Variants in HELZ observed in about 807,000 individuals in gnomAD.
The protein encoded by HELZ is helicase with zinc finger.
HELZ carries 23 observed loss-of-function variants against 218.2 expected under a neutral mutation model. That is an observed-to-expected ratio of 0.11 (90% confidence interval 0.08 to 0.15). HELZ has a LOEUF of 0.15. HELZ is among the 10% of genes least tolerant of loss of function. HELZ has a pLI of 1.00. For synonymous variants in HELZ, 814 were observed against 829.4 expected (o/e 0.98, Z 0.32); for missense variants, 1,813 against 2,353.7 (o/e 0.77, Z 4.75).
chr17:67,199,166 T>C (rs994207976), intron 7 of HELZ, among the ~76,000 whole-genome samples: 5 of 151,556 alleles, frequency 3.3e-5, no homozygotes, highest in African/African-American at 1.2e-4. Flanking sequence ...CGGCTACATA[T>C]ACACTATTAG....
intron 7 of HELZ, among the ~76,000 whole-genome samples, chr17:67,198,697 T>A (rs1351011672): frequency 6.6e-6 from 1 of 152,236 alleles, no homozygotes; most frequent in Non-Finnish European, 1.5e-5. Flanking sequence ...TTTATTCTCA[T>A]CCATTAGCAT....
chr17:67,245,461 C>CTA (rs1204899589), upstream of HELZ: 6 of 985,590 alleles, frequency 6.1e-6, no homozygotes, highest in Non-Finnish European at 7.2e-6. Flanking sequence ...GCCCGGTCCT[C>CTA]TCGCCTCGCC....
At chr17:67,174,343 T>C (rs930348496) in intron 13 of HELZ, among the ~76,000 whole-genome samples, 4 of 152,192 alleles carry the variant, frequency 2.6e-5, no homozygotes, top group Non-Finnish European at 5.9e-5. Context: ...GATGGGATCT[T>C]GCTCTGTTGC....
chr17:67,194,775 G>GC (rs1178942397), intron 8 of HELZ, among the ~76,000 whole-genome samples: 4 of 152,074 alleles, frequency 2.6e-5, no homozygotes, highest in Non-Finnish European at 4.4e-5. Context: ...AAGTCACTAT[G>GC]CCCCCCAGAA....
At chr17:67,174,806 G>A (rs72838428) in intron 13 of HELZ, among the ~76,000 whole-genome samples, 6,485 of 151,820 alleles carry the variant, frequency 0.043, 186 homozygotes, top group Middle Eastern at 0.1. Context: ...TAAAAGAAAA[G>A]AAAAGAAAAA....
intron 3 of HELZ, among the ~76,000 whole-genome samples, chr17:67,235,906 A>G (rs993848760): frequency 2.6e-5 from 4 of 151,828 alleles, no homozygotes; most frequent in East Asian, 3.9e-4. Context: ...GACTACAGGC[A>G]CCTGCCACCA....
intron 27 of HELZ, among the ~76,000 whole-genome samples, chr17:67,119,569 T>G (rs1297920667): frequency 6.6e-6 from 1 of 152,192 alleles, no homozygotes; most frequent in Non-Finnish European, 1.5e-5. Flanking sequence ...CTGGATATTG[T>G]TAAAACTCAT....
At chr17:67,127,553 A>G (rs1464527491) in intron 24 of HELZ, among the ~76,000 whole-genome samples, 1 of 152,202 alleles carries the variant, frequency 6.6e-6, no homozygotes, top group African/African-American at 2.4e-5. Context: ...ACACATTAAG[A>G]TTTACATTTT....
chr17:67,218,348 A>G (rs2040659974), intron 4 of HELZ, among the ~76,000 whole-genome samples: 1 of 152,206 alleles, frequency 6.6e-6, no homozygotes, highest in South Asian at 2.1e-4. Flanking sequence ...AACCTAGAAC[A>G]GTGTCTAGTA....
chr17:67,070,787 T>C lies in HELZ; in HGVS notation c.*7465A>G, dbSNP rs565244494. 6.6e-6 allele frequency: 1 copy of C among 152,294 alleles called. No homozygotes were observed. Among genetic ancestry groups the C allele is most frequent in the South Asian group, 2.1e-4 (1 of 4,830 alleles). 9.4% of individuals were successfully genotyped at this position (152,294 alleles called of 1,614,324 possible). ...CATTTACTGCAAAGAAAAAAAATTG[T>C]TATAATTTTGCCATAAGTTATGCCT... On this transcript the variant is annotated 3_prime_UTR_variant, in exon 33 of 33. Transcript: ENST00000358691.
chr17:67,157,252 A>G (rs909334929), intron 17 of HELZ, among the ~76,000 whole-genome samples: 10 of 152,166 alleles, frequency 6.6e-5, no homozygotes, highest in African/African-American at 2.4e-4. Flanking sequence ...GAACGGCCTA[A>G]TACACTCATC....
chr17:67,222,622 C>A (rs2040777167), intron 3 of HELZ, among the ~76,000 whole-genome samples: 1 of 152,168 alleles, frequency 6.6e-6, no homozygotes, highest in African/African-American at 2.4e-5. Flanking sequence ...GAACTCAATA[C>A]AACGCATGCT....
At position 67,077,600 on chromosome 17, in the gene HELZ, C is replaced by G. The variant is rs764190878; in HGVS notation, c.*652G>C. The G allele has an allele frequency of 1.3e-5, 2 of 150,990 alleles. No individual in the cohort carries two copies. The highest frequency in any genetic ancestry group is 3.0e-5 in the Non-Finnish European group (2 of 67,788). The allele number at this position is 150,990 out of a possible 1,614,324, so 9.4% of individuals were successfully genotyped here. A position where few individuals can be genotyped will look rare whatever the true frequency, so the allele number is the denominator to read the frequency against. On this transcript the variant is annotated 3_prime_UTR_variant, in exon 33 of 33. Coordinates refer to ENST00000358691, the MANE Select transcript of HELZ (RefSeq NM_014877.4). ...TTTTTCACATTTCAAAAAACAGTGGCATACAAAATATGCCTGCAAAGAATG... is the reference window on the plus strand; with the variant it reads ...TTTTTCACATTTCAAAAAACAGTGGGATACAAAATATGCCTGCAAAGAATG...
At position 67,242,413 on chromosome 17, in the gene HELZ, A is replaced by C. The variant is rs1359968246; in HGVS notation, c.-76+1371T>G. ...GGCAACAAGAGTGAAACTCTGTCTC[A>C]AAAAAAAAAAAAAAGAAAAAAAATC... On this transcript the variant is annotated intron_variant, in intron 2 of 32. Coordinates refer to ENST00000358691, the MANE Select transcript of HELZ (RefSeq NM_014877.4). 1.1e-4 allele frequency among the ~76,000 whole-genome samples: 3 copies of C among 26,290 alleles called. No individual in the cohort carries two copies. The South Asian group carries it at 9.6e-3, about 84-fold the overall frequency. The allele number at this position is 26,290 out of a possible 152,430, so 17.2% of individuals were successfully genotyped here.
In HELZ at chr17:67,076,088, C is replaced by T. The variant is rs2036011025; in HGVS notation, c.*2164G>A. 6.6e-6 allele frequency: 1 copy of T among 152,520 alleles called. No homozygotes were observed. Among genetic ancestry groups the T allele is most frequent in the South Asian group, 2.1e-4 (1 of 4,828 alleles). 9.4% of individuals were successfully genotyped at this position (152,520 alleles called of 1,614,324 possible). A position where few individuals can be genotyped will look rare whatever the true frequency, so the allele number is the denominator to read the frequency against. ...CAATAACCTCATGACAAGGGGTCAA[C>T]TGAAAGCCCTGACTTGACAATTCTG... On this transcript the variant is annotated 3_prime_UTR_variant, in exon 33 of 33. Transcript: ENST00000358691.
chr17:67,108,422 G>C lies in HELZ; in HGVS notation c.4724+70C>G, dbSNP rs16960561. On this transcript the variant is annotated intron_variant, in intron 30 of 32. Coordinates refer to ENST00000358691, the MANE Select transcript of HELZ (RefSeq NM_014877.4). The surrounding 1 kb of genome is among the most constrained non-coding windows in gnomAD (Gnocchi z 4.1). ...GCAATATTCCAGCTTGAAGCTAAAA[G>C]GACTACAGTCAAAAAAGAGAACAGT... is the stretch of plus-strand genomic sequence containing the variant. The C allele has an allele frequency of 0.013, 15,514 of 1,164,318 alleles. 1,097 individuals are homozygous for C. The African/African-American group carries it at 0.17, about 13-fold the overall frequency. The allele number at this position is 1,164,318 out of a possible 1,614,324, so 72.1% of individuals were successfully genotyped here. A position where few individuals can be genotyped will look rare whatever the true frequency, so the allele number is the denominator to read the frequency against.
Position 67,146,035 on chromosome 17 carries a change from C to A in HELZ, c.2622-145G>T, listed in dbSNP as rs138552286. The A allele has an allele frequency of 4.3e-4, 301 of 696,326 alleles. 1 individual carries two copies. The African/African-American group carries it at 5.1e-3, about 12-fold the overall frequency. The allele number at this position is 696,326 out of a possible 1,614,324, so 43.1% of individuals were successfully genotyped here. Reference sequence around the variant, plus strand: ...CTCCAATCATCTAATACTTGTGATACCAAGAATTTCTCCATAAATAACAAG... The same window carrying A: ...CTCCAATCATCTAATACTTGTGATAACAAGAATTTCTCCATAAATAACAAG... On this transcript the variant is annotated intron_variant, in intron 20 of 32. Coordinates refer to ENST00000358691, the MANE Select transcript of HELZ (RefSeq NM_014877.4).
chr17:67,153,637 T>C (rs1259606187), intron 17 of HELZ, among the ~76,000 whole-genome samples: 3 of 152,190 alleles, frequency 2.0e-5, no homozygotes, highest in African/African-American at 4.8e-5. Flanking sequence ...ATGTATAATA[T>C]GTAGCATAAT....
At chr17:67,233,267 C>T (rs762593463) in intron 3 of HELZ, among the ~76,000 whole-genome samples, 1 of 152,158 alleles carries the variant, frequency 6.6e-6, no homozygotes, top group South Asian at 2.1e-4. Flanking sequence ...GTGGGAGAAT[C>T]GCTTAAACCT....
Sources: allele counts gnomAD v4.1 joint callset (sites outside exome capture counted in the v4.1 genomes callset), GRCh38; gene constraint gnomAD v4.1.1; non-coding constraint Gnocchi (gnomAD v3.1); transcripts MANE v1.5; gene names NCBI Gene and HGNC (gene_info 2026-07-23, HGNC 2026-07-21).